The following TENM2 variants were observed in gnomAD, a reference collection of about 807,000 sequenced individuals.
The protein encoded by TENM2 is teneurin transmembrane protein 2.
Under a neutral mutation model 245.2 loss-of-function variants are expected in TENM2, and 52 were observed. That is an observed-to-expected ratio of 0.21 (90% confidence interval 0.17 to 0.27). The LOEUF (loss-of-function observed/expected upper bound fraction) is 0.27. TENM2 is among the 10% of genes least tolerant of loss of function. The probability of loss-of-function intolerance (pLI) is 1.00; values close to 1 mark genes in which losing one functional copy is unlikely to be tolerated. For missense variants in TENM2, 3,046 were observed against 3,666.8 expected (o/e 0.83, Z 4.37); for synonymous variants, 1,363 against 1,438.9 (o/e 0.95, Z 1.19).
At chr5:168,030,187 T>TC (rs1787010785) in intron 5 of TENM2, among the ~76,000 whole-genome samples, 4 of 128,984 alleles carry the variant, frequency 3.1e-5, no homozygotes, top group Non-Finnish European at 6.6e-5. Flanking sequence ...TTTTTTTTTT[T>TC]CATCTTTCCA....
chr5:167,827,636 G>T (rs1258738054), intron 2 of TENM2, among the ~76,000 whole-genome samples: 2 of 105,682 alleles, frequency 1.9e-5, no homozygotes, highest in Non-Finnish European at 3.9e-5. Context: ...GGCGGGGGGG[G>T]GGGAACAGTT....
intron 3 of TENM2, among the ~76,000 whole-genome samples, chr5:167,940,382 C>A (rs1779079303): frequency 6.6e-6 from 1 of 152,170 alleles, no homozygotes; most frequent in Non-Finnish European, 1.5e-5. Flanking sequence ...AAGATACTTA[C>A]TTCCTGGTGC....
intron 2 of TENM2, among the ~76,000 whole-genome samples, chr5:167,694,116 C>G (rs1224024268): frequency 6.6e-6 from 1 of 152,212 alleles, no homozygotes; most frequent in African/African-American, 2.4e-5. Context: ...CCTAAATCGA[C>G]ATCTTGCTTG....
chr5:167,588,337 T>C lies in TENM2; in HGVS notation c.502+212864T>C, dbSNP rs562682061. On this transcript the variant is annotated intron_variant, in intron 2 of 28. Coordinates refer to ENST00000518659, the Ensembl canonical transcript of TENM2. Reference sequence around the variant, plus strand: ...TATAATAGTAGTTTGTGTATCTGCATTGAATATTCGTGCATCACATTTCTC... The same window carrying C: ...TATAATAGTAGTTTGTGTATCTGCACTGAATATTCGTGCATCACATTTCTC... 1.8e-4 allele frequency among the ~76,000 whole-genome samples: 28 copies of C among 152,364 alleles called. 1 individual carries two copies. In the South Asian group the frequency reaches 5.8e-3, roughly 32 times the overall value.
At chr5:167,499,164 T>C (rs1022312267) in intron 2 of TENM2, among the ~76,000 whole-genome samples, 1 of 152,170 alleles carries the variant, frequency 6.6e-6, no homozygotes, top group Non-Finnish European at 1.5e-5. Flanking sequence ...TTTCTACTGC[T>C]GTGATATGTC....
intron 1 of TENM2, among the ~76,000 whole-genome samples, chr5:167,346,724 A>G (rs1384514369): frequency 1.3e-5 from 2 of 152,100 alleles, no homozygotes; most frequent in Non-Finnish European, 2.9e-5. Flanking sequence ...ACGCACAGCA[A>G]GGAATGTAGC....
intron 1 of TENM2, among the ~76,000 whole-genome samples, chr5:167,368,814 C>A (rs1760222865): frequency 6.6e-6 from 1 of 152,120 alleles, no homozygotes; most frequent in African/African-American, 2.4e-5. Flanking sequence ...CACCCCAGGC[C>A]TCTGCTGATG....
chr5:167,228,569 C>G, the TENM2 span, among the ~76,000 whole-genome samples: 1 of 151,732 alleles, frequency 6.6e-6, no homozygotes, highest in Non-Finnish European at 1.5e-5. Context: ...TTTGAGATTT[C>G]ATGACTTTCT....
exon 7 of TENM2, chr5:168,062,158 C>A: frequency 1.2e-6 from 2 of 1,613,446 alleles, no homozygotes; most frequent in Non-Finnish European, 8.5e-7. Context: ...TTGGAGGTCA[C>A]AAATTCACAT....
At chr5:167,972,426 T>C (rs1467727150) in intron 4 of TENM2, among the ~76,000 whole-genome samples, 1 of 152,226 alleles carries the variant, frequency 6.6e-6, no homozygotes, top group Non-Finnish European at 1.5e-5. Context: ...CCGTGTAATA[T>C]TCCATAATGC....
chr5:167,982,037 C>T (rs995375166), intron 4 of TENM2, among the ~76,000 whole-genome samples: 10 of 151,996 alleles, frequency 6.6e-5, no homozygotes, highest in Admixed American at 5.9e-4. Context: ...TGCCTTCAAG[C>T]CATGGTTACT....
intron 1 of TENM2, among the ~76,000 whole-genome samples, chr5:167,365,133 C>A (rs748329528): frequency 6.6e-6 from 1 of 151,894 alleles, no homozygotes; most frequent in African/African-American, 2.4e-5. Context: ...ATTTAGAAAT[C>A]GGTATCAATC....
At chr5:168,099,146 G>C (rs1793604806) in intron 9 of TENM2, among the ~76,000 whole-genome samples, 1 of 152,018 alleles carries the variant, frequency 6.6e-6, no homozygotes, top group Admixed American at 6.6e-5. Flanking sequence ...CTGACCTCAA[G>C]TCATCCGCCC....
intron 2 of TENM2, among the ~76,000 whole-genome samples, chr5:167,633,415 T>C (rs1361185248): frequency 6.6e-6 from 1 of 152,140 alleles, no homozygotes; most frequent in East Asian, 1.9e-4. Context: ...AGACTTGAAT[T>C]AGCCCTTGAA....
chr5:168,034,444 A>G (rs1010192135), intron 5 of TENM2, among the ~76,000 whole-genome samples: 2 of 151,878 alleles, frequency 1.3e-5, no homozygotes, highest in Non-Finnish European at 2.9e-5. Flanking sequence ...TAAAATATCC[A>G]GGGAAGGCCA....
intron 4 of TENM2, among the ~76,000 whole-genome samples, chr5:167,957,756 T>G (rs1303797465): frequency 6.6e-6 from 1 of 152,256 alleles, no homozygotes; most frequent in Admixed American, 6.5e-5. Flanking sequence ...AGGAGCAGAT[T>G]GTTCAGTTTC....
intron 5 of TENM2, among the ~76,000 whole-genome samples, chr5:168,038,818 A>G (rs1290282701): frequency 6.6e-6 from 1 of 150,604 alleles, no homozygotes; most frequent in Non-Finnish European, 1.5e-5. Context: ...CAGGATGGAG[A>G]TCCAGGATAG....
At chr5:167,599,873 G>A (rs578213773) in intron 2 of TENM2, among the ~76,000 whole-genome samples, 42 of 152,012 alleles carry the variant, frequency 2.8e-4, no homozygotes, top group African/African-American at 9.6e-4. Context: ...ATGGCTGGGC[G>A]CGGTGGCTCA....
At chr5:168,125,047 G>A (rs1428670694) in exon 11 of TENM2, 1 of 1,605,122 alleles carries the variant, frequency 6.2e-7, no homozygotes, top group Non-Finnish European at 8.5e-7. Flanking sequence ...CGACTGCTCT[G>A]TTGGTAAGCC....
Sources: allele counts gnomAD v4.1 joint callset (sites outside exome capture counted in the v4.1 genomes callset), GRCh38; gene constraint gnomAD v4.1.1; transcripts MANE v1.5; gene names NCBI Gene and HGNC (gene_info 2026-07-23, HGNC 2026-07-21).